SLC41A2: variants seen among roughly 807,000 people sequenced by gnomAD.
The protein encoded by SLC41A2 is SLC41A1-like 1.
In SLC41A2, 32 loss-of-function variants were observed where a neutral mutation model predicts 58.3. That is an observed-to-expected ratio of 0.55 (90% CI 0.41 to 0.74). The LOEUF (loss-of-function observed/expected upper bound fraction) is 0.74, where lower values mean the gene tolerates loss of function less well. SLC41A2 is among the 30% of genes least tolerant of loss of function. The probability of loss-of-function intolerance (pLI) is 0.00; values close to 1 mark genes in which losing one functional copy is unlikely to be tolerated. For missense variants in SLC41A2, 514 were observed against 680.6 expected (o/e 0.76, Z 2.72); for synonymous variants, 190 against 235.0 (o/e 0.81, Z 1.75).
chr12:104,945,270 G>A (rs2047669514), intron 1 of SLC41A2, among the ~76,000 whole-genome samples: 1 of 152,156 alleles, frequency 6.6e-6, no homozygotes, highest in Non-Finnish European at 1.5e-5. Flanking sequence ...GGAGGCCAAT[G>A]GGGTCAGATC....
intron 10 of SLC41A2, among the ~76,000 whole-genome samples, chr12:104,806,268 T>C (rs1196598621): frequency 6.7e-6 from 1 of 149,392 alleles, no homozygotes; most frequent in African/African-American, 2.4e-5. Context: ...CCCGTGTCCA[T>C]GTGTTCTCAT....
At chr12:104,884,285 C>T (rs1593068551) in intron 6 of SLC41A2, among the ~76,000 whole-genome samples, 1 of 152,298 alleles carries the variant, frequency 6.6e-6, no homozygotes, top group South Asian at 2.1e-4. Flanking sequence ...TTCCCTGACC[C>T]CTTGCGCTTC....
At chr12:104,817,522 C>T (rs1246990364) in intron 10 of SLC41A2, among the ~76,000 whole-genome samples, 1 of 151,982 alleles carries the variant, frequency 6.6e-6, no homozygotes, top group Non-Finnish European at 1.5e-5. Context: ...TACAGCTGTA[C>T]AAAAATATTT....
intron 1 of SLC41A2, among the ~76,000 whole-genome samples, chr12:104,945,448 C>T (rs1315450055): frequency 2.6e-5 from 4 of 151,522 alleles, no homozygotes; most frequent in Non-Finnish European, 5.9e-5. Context: ...TGCAGTGAGC[C>T]GAGATCGCAC....
At chr12:104,916,319 T>A (rs2046319303) in intron 2 of SLC41A2, among the ~76,000 whole-genome samples, 1 of 152,210 alleles carries the variant, frequency 6.6e-6, no homozygotes, top group Admixed American at 6.5e-5. Flanking sequence ...CTTTTTCTAT[T>A]GATTGGAATA....
At chr12:104,836,805 T>C (rs1403216394) in intron 10 of SLC41A2, among the ~76,000 whole-genome samples, 2 of 152,228 alleles carry the variant, frequency 1.3e-5, no homozygotes, top group African/African-American at 4.8e-5. Flanking sequence ...GGCTAATCCA[T>C]ACAAGCCAGT....
intron 6 of SLC41A2, among the ~76,000 whole-genome samples, chr12:104,874,972 A>C (rs2043977592): frequency 6.6e-6 from 1 of 152,190 alleles, no homozygotes; most frequent in South Asian, 2.1e-4. Context: ...ATAAACATGG[A>C]ATACCTTTCC....
chr12:104,898,459 T>C lies in SLC41A2; in HGVS notation c.664-3114A>G, dbSNP rs2045400606. ...CTACAATTAATACTAGAAAAAAATA[T>C]GTTTAATGAATAAATACTTGAAACA... On this transcript the variant is annotated intron_variant, in intron 3 of 10. Coordinates refer to ENST00000258538, the MANE Select transcript of SLC41A2 (RefSeq NM_001352171.3). Among the ~76,000 whole-genome samples the C allele has an allele frequency of 2.0e-5, 3 of 151,908 alleles. No individual in the cohort carries two copies. In the South Asian group the frequency reaches 6.2e-4, roughly 31 times the overall value.
At chr12:104,829,800 C>T (rs1389612) in intron 10 of SLC41A2, among the ~76,000 whole-genome samples, 115,976 of 152,074 alleles carry the variant, frequency 0.76, 45,210 homozygotes, top group African/African-American at 0.94. Context: ...TTTTAGTTTT[C>T]AACATTTAAA....
intron 10 of SLC41A2, among the ~76,000 whole-genome samples, chr12:104,824,380 C>G (rs2136250178): frequency 6.6e-6 from 1 of 152,262 alleles, no homozygotes; most frequent in East Asian, 1.9e-4. Context: ...GCAGGCCATC[C>G]ACCAGCAGAA....
chr12:104,865,549 C>T (rs1431195929), intron 7 of SLC41A2, among the ~76,000 whole-genome samples: 1 of 152,132 alleles, frequency 6.6e-6, no homozygotes, highest in Non-Finnish European at 1.5e-5. Flanking sequence ...AGTTAGGTGT[C>T]AGCTTTTTTC....
intron 10 of SLC41A2, among the ~76,000 whole-genome samples, chr12:104,843,490 TCTTAAC>T (rs1185299113): frequency 1.3e-5 from 2 of 152,110 alleles, no homozygotes; most frequent in Admixed American, 6.5e-5. Flanking sequence ...TAATCAACCT[TCTTAAC>T]CTTATCTTGT....
intron 8 of SLC41A2, among the ~76,000 whole-genome samples, chr12:104,857,408 C>G (rs1308520417): frequency 6.6e-6 from 1 of 152,138 alleles, no homozygotes; most frequent in Non-Finnish European, 1.5e-5. Flanking sequence ...GCTGGTGGGA[C>G]TGTAAACTAG....
chr12:104,842,995 T>C (rs1349691127), intron 10 of SLC41A2, among the ~76,000 whole-genome samples: 1 of 152,050 alleles, frequency 6.6e-6, no homozygotes, highest in Non-Finnish European at 1.5e-5. Context: ...TTCACAATAG[T>C]TACACAGAGA....
At chr12:104,934,014 A>G (rs907202807) in intron 1 of SLC41A2, among the ~76,000 whole-genome samples, 2 of 152,056 alleles carry the variant, frequency 1.3e-5, no homozygotes, top group South Asian at 2.1e-4. Context: ...AGACTTCACC[A>G]CTATACAATT....
chr12:104,896,788 C>T (rs540443576), intron 3 of SLC41A2, among the ~76,000 whole-genome samples: 1 of 152,344 alleles, frequency 6.6e-6, no homozygotes, highest in Admixed American at 6.5e-5. Flanking sequence ...CCAGTCCCTT[C>T]TAAGGCTTGG....
chr12:104,944,870 TAA>T (rs60609201), intron 1 of SLC41A2, among the ~76,000 whole-genome samples: 33 of 136,006 alleles, frequency 2.4e-4, no homozygotes, highest in Non-Finnish European at 2.9e-4. Flanking sequence ...GTATTCAATG[TAA>T]AAAAAAAAAA....
intron 8 of SLC41A2, among the ~76,000 whole-genome samples, chr12:104,851,406 C>A (rs1039867526): frequency 6.6e-6 from 1 of 151,890 alleles, no homozygotes; most frequent in Admixed American, 6.6e-5. Flanking sequence ...TTTTTAGAGA[C>A]AGGGTCTTGT....
chr12:104,860,149 A>G (rs1565813), intron 8 of SLC41A2, among the ~76,000 whole-genome samples: 113,131 of 151,892 alleles, frequency 0.74, 42,747 homozygotes, highest in African/African-American at 0.88. Context: ...AATTATATTG[A>G]TCTAGGCTGT....
Sources: gnomAD v4.1 joint callset for allele counts (sites outside exome capture counted in the v4.1 genomes callset) on GRCh38, gnomAD v4.1.1 for gene constraint, MANE v1.5 for transcripts, NCBI Gene and HGNC (gene_info 2026-07-23, HGNC 2026-07-21) for gene names.